NCAM1: variants seen among roughly 807,000 people sequenced by gnomAD.
NCAM1 encodes neural cell adhesion molecule 1.
Under a neutral mutation model 109.8 loss-of-function variants are expected in NCAM1, and 14 were observed. The ratio of observed to expected loss-of-function variants is 0.13; its 90% confidence interval spans 0.08 to 0.20. The LOEUF is 0.20. Ranked by LOEUF, NCAM1 falls within the 10% of genes least tolerant of loss-of-function variation. NCAM1 has a pLI of 1.00. For synonymous variants in NCAM1, 418 were observed against 442.9 expected, an observed-to-expected ratio of 0.94 and a Z score of 0.70; for missense variants, 774 against 1,109.9, an observed-to-expected ratio of 0.70 and a Z score of 4.30.
chr11:113,236,993 G>A (rs1945186447), intron 14 of NCAM1, among the ~76,000 whole-genome samples: 1 of 152,204 alleles, frequency 6.6e-6, no homozygotes, highest in African/African-American at 2.4e-5. Context: ...TTAGCATGTA[G>A]TTACTTGCAG....
At chr11:113,174,103 A>G (rs899872707) in intron 1 of NCAM1, among the ~76,000 whole-genome samples, 5 of 152,232 alleles carry the variant, frequency 3.3e-5, no homozygotes, top group Non-Finnish European at 7.3e-5. Flanking sequence ...GCCTTCATCT[A>G]GGAGATTAGA....
intron 1 of NCAM1, among the ~76,000 whole-genome samples, chr11:113,095,605 A>G (rs1429718657): frequency 2.6e-5 from 4 of 152,256 alleles, no homozygotes; most frequent in African/African-American, 9.6e-5. Context: ...TCCCTTCTCC[A>G]GAAACTGGAA....
chr11:113,275,279 A>G lies in NCAM1; in HGVS notation c.2469A>G (p.Val823=), dbSNP rs1167248514. Residue 823 remains valine (V), a synonymous_variant, in exon 20 of 20, where the codon GTA becomes GTG. Transcript: ENST00000316851. ...TPLTEPEKGP[V]EAKPECQETE... ...TGATTCTCTGCAGGAAGGGCCCCGT[A>G]GAAGCAAAGCCAGAGTGCCAGGAGA... 6.2e-7 allele frequency: 1 copy of G among 1,613,708 alleles called. No individual in the cohort carries two copies. The highest frequency in any genetic ancestry group is 8.5e-7 in the Non-Finnish European group (1 of 1,179,838).
intron 1 of NCAM1, among the ~76,000 whole-genome samples, chr11:113,067,400 T>C (rs376719914): frequency 5.3e-4 from 81 of 152,324 alleles, no homozygotes; most frequent in Middle Eastern, 3.4e-3. Context: ...CAGACACGGA[T>C]ATGACCTCAC....
intron 13 of NCAM1, 72 bp from the exon 14 acceptor site, chr11:113,234,961 C>A: frequency 6.8e-7 from 1 of 1,478,794 alleles, no homozygotes; most frequent in South Asian, 1.3e-5. Flanking sequence ...CAGGACCCTC[C>A]CTACTGTTTT....
rs146103467 is a variant in NCAM1, at chr11:113,250,394, C to T, written c.1828+4024C>T. 4.7e-4 allele frequency among the ~76,000 whole-genome samples: 72 copies of T among 152,324 alleles called. No individual in the cohort carries two copies. In the East Asian group the frequency reaches 0.013, roughly 29 times the overall value. On this transcript the variant is annotated intron_variant, in intron 15 of 19. Coordinates refer to ENST00000316851, the MANE Select transcript of NCAM1 (RefSeq NM_181351.5). ...ATCAGTGGTCTAATAACGCTAAATC[C>T]TGATTCCCTCAGATAATTTGCTGAT...
chr11:113,129,092 T>C (rs1373754174), intron 1 of NCAM1, among the ~76,000 whole-genome samples: 1 of 152,144 alleles, frequency 6.6e-6, no homozygotes, highest in Non-Finnish European at 1.5e-5. Flanking sequence ...TGCCTTCTCA[T>C]TGGACAAAAC....
Position 113,277,238 on chromosome 11 carries a change from T to G in NCAM1, c.*1851T>G. 2.5e-6 allele frequency: 1 copy of G among 398,302 alleles called. No individual in the cohort carries two copies. Among genetic ancestry groups the G allele is most frequent in the Non-Finnish European group, 4.4e-6 (1 of 225,744 alleles). The allele number at this position is 398,302 out of a possible 1,614,324, so 24.7% of individuals were successfully genotyped here. A position where few individuals can be genotyped will look rare whatever the true frequency, so the allele number is the denominator to read the frequency against. ...ATTCTGTGGGCCACTCTCCCCAACG[T>G]TCTGACACTTCTGCAGTCTGATCAG... On this transcript the variant is annotated 3_prime_UTR_variant, in exon 20 of 20. Coordinates refer to ENST00000316851, the MANE Select transcript of NCAM1 (RefSeq NM_181351.5).
intron 1 of NCAM1, among the ~76,000 whole-genome samples, chr11:113,101,527 A>C (rs1426511041): frequency 2.6e-5 from 4 of 152,126 alleles, no homozygotes; most frequent in African/African-American, 9.7e-5. Context: ...TCCTGGTGTC[A>C]CACTTTCTCC....
At chr11:113,272,963 G>A (rs782707528) in intron 19 of NCAM1, 3 of 456,698 alleles carry the variant, frequency 6.6e-6, no homozygotes, top group South Asian at 1.5e-5. Context: ...CCACTGTCGA[G>A]GACATGCTGC....
At chr11:113,171,043 A>T (rs190424027) in intron 1 of NCAM1, among the ~76,000 whole-genome samples, 1 of 152,306 alleles carries the variant, frequency 6.6e-6, no homozygotes, top group African/African-American at 2.4e-5. Flanking sequence ...CAGGAGACAG[A>T]CAGAGAAAGT....
chr11:113,208,354 C>A (rs1555113237), intron 7 of NCAM1, among the ~76,000 whole-genome samples: 3 of 152,156 alleles, frequency 2.0e-5, no homozygotes, highest in Non-Finnish European at 2.9e-5. Context: ...CCTACAAGAC[C>A]AGAGATGAAC....
chr11:112,981,976 G>T (rs1412743803), intron 1 of NCAM1, among the ~76,000 whole-genome samples: 1 of 151,840 alleles, frequency 6.6e-6, no homozygotes, highest in Non-Finnish European at 1.5e-5. Flanking sequence ...TGATGTGCCT[G>T]TTCAGACAGA....
Position 113,032,428 on chromosome 11 carries a change from G to A in NCAM1, c.52+70764G>A, listed in dbSNP as rs114058273. On this transcript the variant is annotated intron_variant, in intron 1 of 19. Transcript: ENST00000316851. ...GGGATTCAGGCACCTCTATCCCCCA[G>A]CCCTTCCCAGAATCCCCTGCATCCC... Among the ~76,000 whole-genome samples the A allele has an allele frequency of 8.5e-3, 1,299 of 152,216 alleles. 21 individuals are homozygous for A. Among genetic ancestry groups the A allele is most frequent in the African/African-American group, 0.03 (1,228 of 41,536 alleles).
At chr11:113,048,566 C>T (rs1555081220) in intron 1 of NCAM1, among the ~76,000 whole-genome samples, 1 of 152,216 alleles carries the variant, frequency 6.6e-6, no homozygotes, top group African/African-American at 2.4e-5. Context: ...CTTGCGAGGC[C>T]TACAGTTTCT....
intron 1 of NCAM1, among the ~76,000 whole-genome samples, chr11:113,164,053 G>A (rs782077815): frequency 6.6e-6 from 1 of 152,150 alleles, no homozygotes; most frequent in South Asian, 2.1e-4. Flanking sequence ...CCCTCCCCTT[G>A]TGCAGATATC....
chr11:113,039,267 T>G (rs1266436131), intron 1 of NCAM1, among the ~76,000 whole-genome samples: 1 of 152,256 alleles, frequency 6.6e-6, no homozygotes, highest in Non-Finnish European at 1.5e-5. Context: ...GAGGTTTTTG[T>G]GCTCTTCTCT....
At chr11:113,100,122 C>T (rs377602081) in intron 1 of NCAM1, among the ~76,000 whole-genome samples, 1 of 152,166 alleles carries the variant, frequency 6.6e-6, no homozygotes, top group African/African-American at 2.4e-5. Context: ...CAGTACTGCC[C>T]TCTCCTGTTA....
intron 1 of NCAM1, among the ~76,000 whole-genome samples, chr11:113,037,683 T>G (rs1249032257): frequency 6.6e-6 from 1 of 152,232 alleles, no homozygotes; most frequent in East Asian, 1.9e-4. Context: ...CTTACTGTTC[T>G]TCACTAAATG....
Sources: allele counts gnomAD v4.1 joint callset (sites outside exome capture counted in the v4.1 genomes callset), GRCh38; gene constraint gnomAD v4.1.1; transcripts MANE v1.5; gene names NCBI Gene and HGNC (gene_info 2026-07-23, HGNC 2026-07-21).